The following PTGES3 variants were observed in gnomAD, a reference collection of about 807,000 sequenced individuals.
PTGES3 encodes the protein prostaglandin E synthase 3.
PTGES3 carries 5 observed loss-of-function variants against 29.9 expected under a neutral mutation model. The observed-to-expected ratio is 0.17, with a 90% CI of 0.09 to 0.35. The LOEUF (loss-of-function observed/expected upper bound fraction) is 0.35. Ranked by LOEUF, PTGES3 falls within the 10% of genes least tolerant of loss-of-function variation. PTGES3 has a pLI of 1.00. For missense variants in PTGES3, 128 were observed against 190.0 expected (o/e 0.67, Z 1.92); for synonymous variants, 49 against 57.8 (o/e 0.85, Z 0.69).
At chr12:56,673,231 G>C (rs1298513760) in intron 1 of PTGES3, among the ~76,000 whole-genome samples, 166 bp from the exon 2 acceptor site, 1 of 152,044 alleles carries the variant, frequency 6.6e-6, no homozygotes, top group African/African-American at 2.4e-5. Context: ...AAACCTATGG[G>C]TCTAACAAGA....
chr12:56,667,712 A>T (rs968042891), intron 5 of PTGES3, among the ~76,000 whole-genome samples: 2 of 152,206 alleles, frequency 1.3e-5, no homozygotes, highest in African/African-American at 4.8e-5. Flanking sequence ...CTACTGTTAA[A>T]TAGGTATCAA....
At chr12:56,668,127 T>C (rs1253288495) in intron 5 of PTGES3, among the ~76,000 whole-genome samples, 2 of 152,050 alleles carry the variant, frequency 1.3e-5, no homozygotes, top group African/African-American at 2.4e-5. Flanking sequence ...AAATAAATAG[T>C]CTGTTAAAAG....
intron 1 of PTGES3, among the ~76,000 whole-genome samples, chr12:56,675,018 A>AAAAAG (rs1952173959): frequency 6.9e-6 from 1 of 145,598 alleles, no homozygotes; most frequent in Non-Finnish European, 1.5e-5. Context: ...AAAAAAAAAA[A>AAAAAG]AAAAAAAAAG....
chr12:56,666,023 G>A (rs1307780165), intron 6 of PTGES3, 181 bp downstream of exon 6: 5 of 1,368,164 alleles, frequency 3.7e-6, no homozygotes, highest in Admixed American at 3.2e-5. Flanking sequence ...GGTACAACCA[G>A]TTCCCTAATA....
At chr12:56,681,130 C>T (rs1952518019) in intron 1 of PTGES3, among the ~76,000 whole-genome samples, 1 of 152,030 alleles carries the variant, frequency 6.6e-6, no homozygotes, top group Non-Finnish European at 1.5e-5. Context: ...CTCTTGTTGT[C>T]CAGACTGGAA....
intron 1 of PTGES3, among the ~76,000 whole-genome samples, chr12:56,678,472 C>T (rs1314599338): frequency 1.3e-5 from 2 of 152,140 alleles, no homozygotes; most frequent in Non-Finnish European, 2.9e-5. Context: ...CCACCATACC[C>T]AGCCTGTTTT....
chr12:56,664,596 G>C, intron 7 of PTGES3, 98 bp from the exon 8 acceptor site: 1 of 1,410,608 alleles, frequency 7.1e-7, no homozygotes. Flanking sequence ...GAAATACATA[G>C]TTGCCCAATG....
chr12:56,672,915 G>A, intron 2 of PTGES3, 37 bp downstream of exon 2: 1 of 1,563,390 alleles, frequency 6.4e-7, no homozygotes, highest in Non-Finnish European at 8.7e-7. Context: ...TTGTGTGAAT[G>A]ACTATTTTAC....
chr12:56,664,556 A>G, intron 7 of PTGES3, 58 bp from the exon 8 acceptor site: 3 of 1,541,196 alleles, frequency 1.9e-6, no homozygotes, highest in Non-Finnish European at 2.6e-6. Flanking sequence ...TACCAATTTT[A>G]CTGTCTTAAA....
chr12:56,684,878 G>C (rs1592286010), intron 1 of PTGES3, among the ~76,000 whole-genome samples: 2 of 152,122 alleles, frequency 1.3e-5, no homozygotes, highest in African/African-American at 4.8e-5. Context: ...AATCGCTGAA[G>C]AGCAAATGAG....
intron 1 of PTGES3, among the ~76,000 whole-genome samples, chr12:56,681,448 G>A (rs955383328): frequency 7.1e-6 from 1 of 141,270 alleles, no homozygotes; most frequent in African/African-American, 2.6e-5. Context: ...TGAGGCAGGA[G>A]AATGGCGTGA....
chr12:56,680,714 T>G (rs1429054574), intron 1 of PTGES3, among the ~76,000 whole-genome samples: 1 of 151,934 alleles, frequency 6.6e-6, no homozygotes, highest in Admixed American at 6.6e-5. Flanking sequence ...AATACATATG[T>G]GTTTATTCCT....
At chr12:56,684,546 T>C (rs1467201032) in intron 1 of PTGES3, among the ~76,000 whole-genome samples, 2 of 152,220 alleles carry the variant, frequency 1.3e-5, no homozygotes, top group Non-Finnish European at 2.9e-5. Flanking sequence ...AGGAAGATTT[T>C]TACCAAAATC....
At position 56,666,928 on chromosome 12, in the gene PTGES3, TTTTTA is replaced by T. The variant is rs538480008; in HGVS notation, c.376-667_376-663del. Among the ~76,000 whole-genome samples the T allele has an allele frequency of 3.5e-3, 496 of 140,068 alleles. 3 individuals are homozygous for T. The highest frequency in any genetic ancestry group is 0.012 in the African/African-American group (461 of 37,018). The allele number at this position is 140,068 out of a possible 152,430, so 91.9% of individuals were successfully genotyped here. A position where few individuals can be genotyped will look rare whatever the true frequency, so the allele number is the denominator to read the frequency against. On this transcript the variant is annotated intron_variant, in intron 5 of 7. Transcript: ENST00000262033. ...AGGCGTGAACCACCATGCCAAGCCTTTTTTATTTTGAGATGGAGTCTTGCTCTGTT... is the reference window on the plus strand; with the variant it reads ...AGGCGTGAACCACCATGCCAAGCCTTTTTTGAGATGGAGTCTTGCTCTGTT...
chr12:56,688,045 T>C lies in PTGES3; in HGVS notation c.-46A>G, dbSNP rs1952970185. ...GGGCGAACTGGTGGGCGGGCCTCTC[T>C]GGCGGCGGCTGCTGCTAGGGAGTCG... On this transcript the variant is annotated 5_prime_UTR_variant, in exon 1 of 8. Transcript: ENST00000262033. 8 of 1,500,114 alleles carry C rather than the reference T, an allele frequency of 5.3e-6. No homozygotes were observed. The highest frequency in any genetic ancestry group is 1.3e-5 in the South Asian group (1 of 79,356). The allele number at this position is 1,500,114 out of a possible 1,614,324, so 92.9% of individuals were successfully genotyped here. A position where few individuals can be genotyped will look rare whatever the true frequency, so the allele number is the denominator to read the frequency against.
At chr12:56,685,089 G>A (rs1592286472) in intron 1 of PTGES3, among the ~76,000 whole-genome samples, 1 of 139,746 alleles carries the variant, frequency 7.2e-6, no homozygotes, top group South Asian at 2.6e-4. Flanking sequence ...GGGTGACAGA[G>A]GAAGACCCTG....
intron 6 of PTGES3, 122 bp downstream of exon 6, chr12:56,666,082 C>T (rs1000661575): frequency 1.4e-6 from 2 of 1,404,174 alleles, no homozygotes; most frequent in African/African-American, 1.5e-5. Context: ...TTGCTTTTCC[C>T]TTTTCTTTTT....
intron 1 of PTGES3, chr12:56,687,003 GTCAA>G: frequency 1.5e-5 from 1 of 66,628 alleles, no homozygotes; most frequent in Non-Finnish European, 2.5e-5. Flanking sequence ...ATAACCTCCC[GTCAA>G]AAAAAAAAAA....
At chr12:56,672,071 A>C (rs1299084498) in intron 3 of PTGES3, among the ~76,000 whole-genome samples, 2 of 152,200 alleles carry the variant, frequency 1.3e-5, no homozygotes, top group Admixed American at 1.3e-4. Context: ...TACTGAAATA[A>C]TCTGCACAAC....
Sources: gnomAD v4.1 joint callset for allele counts (sites outside exome capture counted in the v4.1 genomes callset) on GRCh38, gnomAD v4.1.1 for gene constraint, MANE v1.5 for transcripts, NCBI Gene and HGNC (gene_info 2026-07-23, HGNC 2026-07-21) for gene names.